The following COG7 variants were observed in gnomAD, a reference collection of about 807,000 sequenced individuals.
COG7 encodes conserved oligomeric Golgi complex subunit 7.
A neutral mutation model predicts 91.5 loss-of-function variants in COG7; 49 were observed. The ratio of observed to expected loss-of-function variants is 0.54; its 90% CI spans 0.43 to 0.68. The LOEUF is 0.68. Ranked by LOEUF, COG7 falls within the 30% of genes least tolerant of loss-of-function variation. The pLI is 0.00. For synonymous variants in COG7, 365 were observed against 388.7 expected, an observed-to-expected ratio of 0.94 and a Z score of 0.72; for missense variants, 895 against 961.3, an observed-to-expected ratio of 0.93 and a Z score of 0.91.
At chr16:23,434,140 T>C (rs1318114060) in intron 5 of COG7, among the ~76,000 whole-genome samples, 2 of 152,010 alleles carry the variant, frequency 1.3e-5, no homozygotes, top group Non-Finnish European at 2.9e-5. Context: ...CCAGGTGGAG[T>C]GGCACGCGCC....
At chr16:23,450,634 C>G (rs1469510029) in intron 1 of COG7, among the ~76,000 whole-genome samples, 1 of 151,832 alleles carries the variant, frequency 6.6e-6, no homozygotes, top group Non-Finnish European at 1.5e-5. Flanking sequence ...TTGAGACCAG[C>G]CTGGACAACA....
intron 14 of COG7, chr16:23,394,973 T>A (rs1339891344): frequency 3.3e-5 from 5 of 151,632 alleles, no homozygotes; most frequent in African/African-American, 1.2e-4. Flanking sequence ...ACCTGGCTAA[T>A]TTTTTTTGTA....
At chr16:23,422,816 G>A (rs1315355442) in intron 7 of COG7, among the ~76,000 whole-genome samples, 1 of 152,082 alleles carries the variant, frequency 6.6e-6, no homozygotes, top group Admixed American at 6.6e-5. Context: ...GCCAAGATGG[G>A]TGGATTGCTT....
intron 5 of COG7, 99 bp downstream of exon 5, chr16:23,434,537 C>A (rs560709602): frequency 2.2e-6 from 2 of 926,960 alleles, no homozygotes; most frequent in East Asian, 5.0e-5. Context: ...GGCAAGGAGA[C>A]AAATGTTCTT....
chr16:23,406,437 A>G (rs1165456806), intron 11 of COG7, among the ~76,000 whole-genome samples, 175 bp from the exon 12 acceptor site: 1 of 152,068 alleles, frequency 6.6e-6, no homozygotes, highest in Non-Finnish European at 1.5e-5. Context: ...AGTGAGCTGG[A>G]CCTCAGGTGC....
In COG7 at chr16:23,453,006, C is replaced by G. The variant is rs1272724398; in HGVS notation, c.-12G>C. On this transcript the variant is annotated 5_prime_UTR_variant, in exon 1 of 17. Transcript: ENST00000307149. ...TTGGAGAAGTCCATGGCGGAACTGC[C>G]TCAGGCCTGGCGTCCAGAACTTAAG... is the stretch of plus-strand genomic sequence containing the variant. 1 of 1,614,026 alleles carries G rather than the reference C, an allele frequency of 6.2e-7. No homozygotes were observed. The highest frequency in any genetic ancestry group is 1.1e-5 in the South Asian group (1 of 91,076).
intron 11 of COG7, among the ~76,000 whole-genome samples, chr16:23,407,234 T>C (rs1963476925): frequency 1.3e-5 from 2 of 152,244 alleles, no homozygotes; most frequent in South Asian, 2.1e-4. Flanking sequence ...TACCTGCCTC[T>C]GCCATTAAGT....
chr16:23,405,381 G>T (rs550271380), intron 12 of COG7, among the ~76,000 whole-genome samples: 31 of 152,188 alleles, frequency 2.0e-4, no homozygotes, highest in Middle Eastern at 3.4e-3. Context: ...TACACATCTG[G>T]TCCCCTCTCA....
chr16:23,391,806 G>A (rs1963200854), intron 16 of COG7: 1 of 194,452 alleles, frequency 5.1e-6, no homozygotes, highest in East Asian at 1.2e-4. Context: ...CTCCAGTGAA[G>A]AGGGCAGGCA....
intron 16 of COG7, chr16:23,390,030 C>T (rs1017778064): frequency 5.3e-5 from 8 of 152,286 alleles, no homozygotes; most frequent in African/African-American, 1.7e-4. Flanking sequence ...CATGAGAGCA[C>T]CTGATGTGTC....
At chr16:23,432,675 G>C (rs1963953025) in intron 6 of COG7, among the ~76,000 whole-genome samples, 1 of 152,122 alleles carries the variant, frequency 6.6e-6, no homozygotes, top group Middle Eastern at 3.2e-3. Flanking sequence ...GGCTGGAAAT[G>C]CCTAGAGACT....
intron 7 of COG7, among the ~76,000 whole-genome samples, chr16:23,421,019 A>T (rs1350384758): frequency 1.4e-5 from 2 of 148,044 alleles, no homozygotes. Flanking sequence ...CAAAGTGCTG[A>T]GATTACAGGT....
At chr16:23,452,607 G>T (rs926909715) in intron 1 of COG7, 2 of 650,272 alleles carry the variant, frequency 3.1e-6, no homozygotes, top group Non-Finnish European at 3.8e-6. Context: ...CCAGCCAGAG[G>T]AGGAAAAACA....
intron 1 of COG7, among the ~76,000 whole-genome samples, chr16:23,450,916 G>T (rs563371553): frequency 2.0e-5 from 3 of 152,080 alleles, no homozygotes; most frequent in African/African-American, 7.2e-5. Flanking sequence ...ACATCTGGCC[G>T]GGCACAGTGG....
intron 7 of COG7, among the ~76,000 whole-genome samples, chr16:23,420,622 C>T (rs1268688441): frequency 6.6e-6 from 1 of 152,186 alleles, no homozygotes; most frequent in Admixed American, 6.5e-5. Flanking sequence ...GTCTGCTGCT[C>T]TTGATTTCTG....
At chr16:23,445,560 C>T (rs527566528) in intron 2 of COG7, among the ~76,000 whole-genome samples, 5 of 152,012 alleles carry the variant, frequency 3.3e-5, no homozygotes, top group Admixed American at 6.6e-5. Context: ...GGCTGAGGCA[C>T]GAGAATCGCT....
Position 23,445,167 on chromosome 16 carries a change from G to T in COG7, c.319-3C>A. 1.9e-6 allele frequency: 3 copies of T among 1,606,978 alleles called. No homozygotes were observed. Among genetic ancestry groups the T allele is most frequent in the Non-Finnish European group, 2.6e-6 (3 of 1,173,548 alleles). On this transcript the variant is annotated splice_region_variant and splice_polypyrimidine_tract_variant and intron_variant, in intron 2 of 16. Transcript: ENST00000307149. Reference sequence around the variant, plus strand: ...ACTTGGTCAATTTCTACCAACACCTGAAAGAGGCGTGAGGGGTGAAAAATG... The same window carrying T: ...ACTTGGTCAATTTCTACCAACACCTTAAAGAGGCGTGAGGGGTGAAAAATG...
intron 14 of COG7, chr16:23,394,811 T>TTTTTTC (rs938402064): frequency 5.7e-5 from 7 of 122,638 alleles, no homozygotes; most frequent in South Asian, 4.9e-4. Flanking sequence ...TTCTTTTTTC[T>TTTTTTC]TTTTTTTTTT....
At chr16:23,404,847 G>C (rs1465453423) in intron 12 of COG7, among the ~76,000 whole-genome samples, 1 of 152,218 alleles carries the variant, frequency 6.6e-6, no homozygotes, top group Non-Finnish European at 1.5e-5. Context: ...TTGAAGCGGG[G>C]AGGCAGAGGT....
Sources: gnomAD v4.1 joint callset for allele counts (sites outside exome capture counted in the v4.1 genomes callset) on GRCh38, gnomAD v4.1.1 for gene constraint, MANE v1.5 for transcripts, NCBI Gene and HGNC (gene_info 2026-07-23, HGNC 2026-07-21) for gene names.